SEZ6L: variants seen among roughly 807,000 people sequenced by gnomAD.
The protein encoded by SEZ6L is seizure related 6 homolog like, also known as seizure 6-like protein.
In SEZ6L, 37 loss-of-function variants were observed where a neutral mutation model predicts 106.2. The ratio of observed to expected loss-of-function variants is 0.35; its 90% CI spans 0.27 to 0.46. The LOEUF is 0.46. Ranked by LOEUF, SEZ6L falls within the 20% of genes least tolerant of loss-of-function variation. SEZ6L has a pLI of 1.00. For synonymous variants in SEZ6L, 541 were observed against 570.4 expected, an observed-to-expected ratio of 0.95 and a Z score of 0.73; for missense variants, 1,172 against 1,332.8, an observed-to-expected ratio of 0.88 and a Z score of 1.88.
intron 15 of SEZ6L, among the ~76,000 whole-genome samples, chr22:26,376,402 C>T (rs1336982157): frequency 6.6e-6 from 1 of 151,796 alleles, no homozygotes; most frequent in African/African-American, 2.4e-5. Flanking sequence ...TAGAGGAGGC[C>T]CCACTGAGAA....
chr22:26,348,796 A>AAGGGGGGGGAGGGGGGGGGG (rs2083166412), intron 11 of SEZ6L, among the ~76,000 whole-genome samples: 1 of 13,640 alleles, frequency 7.3e-5, no homozygotes, highest in Admixed American at 6.0e-4. Flanking sequence ...AAGGGGAGGG[A>AAGGGGGGGGAGGGGGGGGGG]AGGGGAGGGA....
chr22:26,377,557 G>A lies in SEZ6L; in HGVS notation c.2943-116G>A, dbSNP rs193128818. ...CAAAAGGCTGTTTGCACACATCCTC[G>A]TCGTCATTCACAGAGGTGCCGCTGC... On this transcript the variant is annotated intron_variant, in intron 15 of 16. Transcript: ENST00000248933. 93 of 797,630 alleles carry A rather than the reference G, an allele frequency of 1.2e-4. No homozygotes were observed. The East Asian group carries it at 2.2e-3, about 19-fold the overall frequency. The allele number at this position is 797,630 out of a possible 1,614,324, so 49.4% of individuals were successfully genotyped here. A position where few individuals can be genotyped will look rare whatever the true frequency, so the allele number is the denominator to read the frequency against.
intron 1 of SEZ6L, among the ~76,000 whole-genome samples, chr22:26,281,374 C>CTTT (rs769088373): frequency 1.3e-4 from 17 of 130,592 alleles, no homozygotes; most frequent in South Asian, 2.4e-4. Context: ...TTCTTTCTTT[C>CTTT]TTTTTTTTTT....
chr22:26,185,879 T>G (rs2123786992), intron 1 of SEZ6L, among the ~76,000 whole-genome samples: 1 of 152,182 alleles, frequency 6.6e-6, no homozygotes, highest in Non-Finnish European at 1.5e-5. Flanking sequence ...TTTAAAAGAA[T>G]TTGCCACCTC....
chr22:26,285,211 G>T lies in SEZ6L; in HGVS notation c.95-7195G>T, dbSNP rs549891740. 4.5e-3 allele frequency among the ~76,000 whole-genome samples: 689 copies of T among 152,274 alleles called. 10 individuals carry two copies. Among genetic ancestry groups the T allele is most frequent in the African/African-American group, 0.016 (663 of 41,554 alleles). On this transcript the variant is annotated intron_variant, in intron 1 of 16. Coordinates refer to ENST00000248933, the MANE Select transcript of SEZ6L (RefSeq NM_021115.5). ...GGACCACAGGGGGCCGGCAGCTGTT[G>T]CCTGGGCCAGTGACGAGCATGTAAT... is the stretch of plus-strand genomic sequence containing the variant.
chr22:26,190,832 A>G (rs1460911903), intron 1 of SEZ6L, among the ~76,000 whole-genome samples: 2 of 152,182 alleles, frequency 1.3e-5, no homozygotes, highest in African/African-American at 2.4e-5. Flanking sequence ...TTTTCCTGCC[A>G]TGTCTCAATC....
At chr22:26,376,830 G>C (rs542318662) in intron 15 of SEZ6L, among the ~76,000 whole-genome samples, 27 of 152,318 alleles carry the variant, frequency 1.8e-4, no homozygotes, top group African/African-American at 5.3e-4. Flanking sequence ...TCCTGAGGCA[G>C]GAACGTGACT....
Position 26,316,886 on chromosome 22 carries a change from AAGAAAGAGAAAGAAAGAAG to A in SEZ6L, c.2015+2986_2015+3004del, listed in dbSNP as rs1315721753. 4.5e-4 allele frequency among the ~76,000 whole-genome samples: 56 copies of A among 125,068 alleles called. 1 individual carries two copies. Among genetic ancestry groups the A allele is most frequent in the Admixed American group, 3.0e-3 (34 of 11,242 alleles). 82.0% of individuals were successfully genotyped at this position (125,068 alleles called of 152,430 possible). On this transcript the variant is annotated intron_variant, in intron 9 of 16. Coordinates refer to ENST00000248933, the MANE Select transcript of SEZ6L (RefSeq NM_021115.5). ...GAAAGAAGAAGGAAAGAAAGAAAGA[AAGAAAGAGAAAGAAAGAAG>A]AAAGAAAGAAAGAAAGAAAAAGAAA...
At chr22:26,332,147 G>T (rs376042648) in intron 9 of SEZ6L, among the ~76,000 whole-genome samples, 19 of 114,104 alleles carry the variant, frequency 1.7e-4, no homozygotes, top group Admixed American at 1.0e-3. Context: ...GATTTTCAAT[G>T]TTTTTTTTTT....
At chr22:26,363,518 A>C (rs1229709969) in intron 12 of SEZ6L, among the ~76,000 whole-genome samples, 1 of 152,248 alleles carries the variant, frequency 6.6e-6, no homozygotes. Context: ...CCTGGGAAAG[A>C]AGTGCCAGAA....
At position 26,347,909 on chromosome 22, in the gene SEZ6L, G is replaced by A. The variant is rs141923405; in HGVS notation, c.2403G>A (p.Glu801=). ...GGAGCAGCGACCCCCCATTTTGTGA[G>A]AAAAGTAAGAGTGGTCTTGTTTCCT... ...LSWSSDPPFC[E]KIMYCTDPGE... The change falls in exon 11 of 17, where the codon GAG becomes GAA. Residue 801 remains glutamate (E), a synonymous_variant. Coordinates refer to ENST00000248933, the MANE Select transcript of SEZ6L (RefSeq NM_021115.5). The A allele has an allele frequency of 5.8e-4, 908 of 1,567,716 alleles. 5 individuals are homozygous for A. The highest frequency in any genetic ancestry group is 4.2e-3 in the Middle Eastern group (25 of 5,890).
At chr22:26,299,309 T>C (rs574042522) in intron 5 of SEZ6L, 140 bp downstream of exon 5, 2 of 590,886 alleles carry the variant, frequency 3.4e-6, no homozygotes, top group African/African-American at 1.9e-5. Flanking sequence ...ATGACTATTG[T>C]TATTTATGTT....
At chr22:26,324,980 G>A (rs2082265372) in intron 9 of SEZ6L, among the ~76,000 whole-genome samples, 1 of 152,166 alleles carries the variant, frequency 6.6e-6, no homozygotes, top group African/African-American at 2.4e-5. Flanking sequence ...GCAGCCACTG[G>A]CCTTCTTCAT....
intron 1 of SEZ6L, among the ~76,000 whole-genome samples, chr22:26,176,554 G>A (rs753106364): frequency 2.0e-5 from 3 of 152,190 alleles, no homozygotes; most frequent in Non-Finnish European, 2.9e-5. Flanking sequence ...CTAGAGGAGC[G>A]CATGGCTGGT....
chr22:26,176,827 C>T (rs1939034129), intron 1 of SEZ6L, among the ~76,000 whole-genome samples: 1 of 152,182 alleles, frequency 6.6e-6, no homozygotes, highest in South Asian at 2.1e-4. Context: ...CCTAATTCTC[C>T]TTTTCTGTGA....
intron 11 of SEZ6L, among the ~76,000 whole-genome samples, chr22:26,348,551 A>AAGGAAGGG (rs1326864545): frequency 1.2e-5 from 1 of 86,314 alleles, no homozygotes; most frequent in Non-Finnish European, 2.1e-5. Flanking sequence ...GGAAGGAAGG[A>AAGGAAGGG]AGGAAGGAAG....
chr22:26,326,308 T>C (rs1421533614), intron 9 of SEZ6L, among the ~76,000 whole-genome samples: 1 of 152,186 alleles, frequency 6.6e-6, no homozygotes, highest in African/African-American at 2.4e-5. Flanking sequence ...CACGACTGCT[T>C]GTTTTACGAG....
chr22:26,247,230 G>A (rs1266360981), intron 1 of SEZ6L, among the ~76,000 whole-genome samples: 1 of 152,066 alleles, frequency 6.6e-6, no homozygotes, highest in East Asian at 1.9e-4. Context: ...CACTAAAATA[G>A]GCATGGACTT....
intron 9 of SEZ6L, among the ~76,000 whole-genome samples, chr22:26,331,511 A>C (rs1297737512): frequency 6.6e-6 from 1 of 152,212 alleles, no homozygotes; most frequent in Non-Finnish European, 1.5e-5. Context: ...TAAATATTTC[A>C]AAAACCATAA....
Sources: gnomAD v4.1 joint callset for allele counts (sites outside exome capture counted in the v4.1 genomes callset) on GRCh38, gnomAD v4.1.1 for gene constraint, MANE v1.5 for transcripts, NCBI Gene and HGNC (gene_info 2026-07-23, HGNC 2026-07-21) for gene names.